ASIC1: variants seen among roughly 807,000 people sequenced by gnomAD.
ASIC1 encodes the protein acid-sensing ion channel 1.
Under a neutral mutation model 63.4 loss-of-function variants are expected in ASIC1, and 21 were observed. The observed-to-expected ratio is 0.33, with a 90% CI of 0.23 to 0.48. The LOEUF is 0.48. Among genes scored for constraint, ASIC1 ranks in the 20% least tolerant of loss-of-function variants. ASIC1 has a pLI of 0.99. For synonymous variants in ASIC1, 258 were observed against 278.2 expected (o/e 0.93, Z 0.72); for missense variants, 478 against 695.5 (o/e 0.69, Z 3.52).
In ASIC1 at chr12:50,081,187, C is replaced by CG. The variant is rs758741970; in HGVS notation, c.1377+11dup. ...TCTTTGACTACGCCTACGAGGTAAG[C>CG]GGGGGCGAGGCCCGGCACGGGGCCA... On this transcript the variant is annotated splice_region_variant and intron_variant, in intron 10 of 11. Transcript: ENST00000447966. 3.1e-6 allele frequency: 5 copies of CG among 1,610,198 alleles called. No individual in the cohort carries two copies. In the Admixed American group the frequency reaches 6.7e-5, roughly 22 times the overall value.
At chr12:50,067,715 G>C (rs836189) in intron 3 of ASIC1, among the ~76,000 whole-genome samples, 50,461 of 151,988 alleles carry the variant, frequency 0.33, 9,797 homozygotes, top group Middle Eastern at 0.46. Context: ...CACTGCGCCC[G>C]GACCCCACCA....
At chr12:50,066,411 G>A (rs891727047) in intron 3 of ASIC1, among the ~76,000 whole-genome samples, 6 of 152,078 alleles carry the variant, frequency 3.9e-5, no homozygotes, top group African/African-American at 1.4e-4. Context: ...AGTGTGGAGA[G>A]GCAGGAAGGG....
chr12:50,073,119 G>A (rs1032102830), intron 3 of ASIC1, among the ~76,000 whole-genome samples: 15 of 152,112 alleles, frequency 9.9e-5, no homozygotes, highest in African/African-American at 3.4e-4. Context: ...TGTGTCCTGG[G>A]GGGGTAGGGA....
chr12:50,080,998 A>T, intron 9 of ASIC1, 104 bp from the exon 10 acceptor site: 1 of 1,081,408 alleles, frequency 9.2e-7, no homozygotes, highest in Non-Finnish European at 1.3e-6. Context: ...TGCGAAGGCT[A>T]CCAATCCCTT....
In ASIC1 at chr12:50,078,638, G is replaced by A; in HGVS notation, c.994+61G>A. ...CCTGGGCCTTTGCTGCCCTTCACTAGCTCCCCATCCATATCAATCTCCCAA... is the reference window on the plus strand; with the variant it reads ...CCTGGGCCTTTGCTGCCCTTCACTAACTCCCCATCCATATCAATCTCCCAA... On this transcript the variant is annotated intron_variant, in intron 6 of 11. Coordinates refer to ENST00000447966, the MANE Select transcript of ASIC1 (RefSeq NM_001095.4). This position sits in a 1 kb window ranked among gnomAD's most constrained non-coding sequence, Gnocchi z 6.0. 1.2e-6 allele frequency: 2 copies of A among 1,600,510 alleles called. No individual in the cohort carries two copies. Among genetic ancestry groups the A allele is most frequent in the Non-Finnish European group, 1.7e-6 (2 of 1,172,148 alleles).
chr12:50,067,160 T>A (rs928126339), intron 3 of ASIC1, among the ~76,000 whole-genome samples: 4 of 152,172 alleles, frequency 2.6e-5, no homozygotes, highest in African/African-American at 9.7e-5. Flanking sequence ...TCCTATAGTA[T>A]CTCTCTGCTT....
rs746600209 is a variant in ASIC1, at chr12:50,077,990, A to G, written c.710-10A>G. ...AGCCCTCCCAACCCACACACTCCTC[A>G]TTCCCCTAGACGAGACGTCCTTCGA... is the stretch of plus-strand genomic sequence containing the variant. On this transcript the variant is annotated splice_polypyrimidine_tract_variant and intron_variant, in intron 4 of 11. Coordinates refer to ENST00000447966, the MANE Select transcript of ASIC1 (RefSeq NM_001095.4). 1.2e-6 allele frequency: 2 copies of G among 1,605,684 alleles called. No homozygotes were observed. The highest frequency in any genetic ancestry group is 1.7e-5 in the Admixed American group (1 of 59,286).
At chr12:50,073,985 C>T (rs1469699355) in intron 3 of ASIC1, 5 of 1,535,814 alleles carry the variant, frequency 3.3e-6, no homozygotes, top group East Asian at 4.9e-5. Context: ...CTGGCCTTCC[C>T]GGCAGTCACC....
intron 3 of ASIC1, chr12:50,073,884 G>C (rs1950625537): frequency 6.5e-7 from 1 of 1,533,794 alleles, no homozygotes; most frequent in Non-Finnish European, 8.7e-7. Flanking sequence ...TCCTGGCACT[G>C]GGTGCCTTCC....
intron 3 of ASIC1, among the ~76,000 whole-genome samples, chr12:50,075,361 C>A (rs1037042446): frequency 2.6e-5 from 4 of 152,208 alleles, no homozygotes; most frequent in African/African-American, 9.6e-5. Context: ...CACCAGGTGG[C>A]AGCAGCAATC....
Position 50,081,550 on chromosome 12 carries a change from G to C in ASIC1, c.1488G>C (p.Pro496=), listed in dbSNP as rs371395355. 20 of 1,610,224 alleles carry C rather than the reference G, an allele frequency of 1.2e-5. No individual in the cohort carries two copies. Among genetic ancestry groups the C allele is most frequent in the Non-Finnish European group, 1.6e-5 (19 of 1,178,314 alleles). Residue 496 remains proline (P), a synonymous_variant, in exon 12 of 12, where the codon CCG becomes CCC. Transcript: ENST00000447966. ...LSLDDVKRHN[P]CESLRGHPAG... ...GTCCTGTCCCCTTCCCCCAGAACCCGTGCGAGAGCCTTCGGGGCCACCCTG... is the reference window on the plus strand; with the variant it reads ...GTCCTGTCCCCTTCCCCCAGAACCCCTGCGAGAGCCTTCGGGGCCACCCTG...
At chr12:50,058,442 C>T (rs1332184509) in intron 1 of ASIC1, among the ~76,000 whole-genome samples, 3 of 152,316 alleles carry the variant, frequency 2.0e-5, no homozygotes, top group Middle Eastern at 3.4e-3. Flanking sequence ...GGAACTCCTG[C>T]GCCTGCCTAT....
Position 50,078,554 on chromosome 12 carries a change from A to G in ASIC1, c.971A>G (p.Asn324Ser), listed in dbSNP as rs542767563. The change falls in exon 6 of 12, where the codon AAC becomes AGC. Residue 324 changes from asparagine (N) to serine (S), a missense_variant. Transcript: ENST00000447966. The surrounding 1 kb of genome is among the most constrained non-coding windows in gnomAD (Gnocchi z 6.0). ...ACGCGCTACCTGGTGGAGAACTGCAACTGCCGCATGGTGCACATGCCAGGT... is the reference window on the plus strand; with the variant it reads ...ACGCGCTACCTGGTGGAGAACTGCAGCTGCCGCATGGTGCACATGCCAGGT... Reference protein sequence around the residue: ...CETRYLVENCNCRMVHMPGDA... With the variant: ...CETRYLVENCSCRMVHMPGDA... 2 of 1,614,086 alleles carry G rather than the reference A, an allele frequency of 1.2e-6. No individual in the cohort carries two copies. The highest frequency in any genetic ancestry group is 2.2e-5 in the East Asian group (1 of 44,884).
At chr12:50,075,939 C>T (rs1002616154) in intron 3 of ASIC1, among the ~76,000 whole-genome samples, 15 of 152,182 alleles carry the variant, frequency 9.9e-5, no homozygotes, top group Non-Finnish European at 7.4e-5. Context: ...GGGGAGAAGA[C>T]TGGGGAGACA....
At chr12:50,069,255 AT>A (rs748015992) in intron 3 of ASIC1, among the ~76,000 whole-genome samples, 6 of 107,360 alleles carry the variant, frequency 5.6e-5, no homozygotes, top group African/African-American at 2.2e-4. Context: ...TTTATTTTTT[AT>A]TTTATTTATT....
At position 50,077,200 on chromosome 12, in the gene ASIC1, C is replaced by A; in HGVS notation, c.559-13C>A. 1.9e-6 allele frequency: 3 copies of A among 1,604,110 alleles called. No homozygotes were observed. Among genetic ancestry groups the A allele is most frequent in the African/African-American group, 2.7e-5 (2 of 74,946 alleles). On this transcript the variant is annotated splice_polypyrimidine_tract_variant and intron_variant, in intron 3 of 11. Coordinates refer to ENST00000447966, the MANE Select transcript of ASIC1 (RefSeq NM_001095.4). ...TGGCAGGACTCTTAGGCTCTCCACT[C>A]TGCCCTCGCCAGGTCTTCACACGCT... is the stretch of plus-strand genomic sequence containing the variant.
intron 3 of ASIC1, chr12:50,076,930 G>A (rs1220092708): frequency 6.9e-6 from 4 of 577,322 alleles, no homozygotes; most frequent in African/African-American, 3.7e-5. Context: ...TGCCTTCTGA[G>A]CCATTACCAA....
rs913618145 is a variant in ASIC1, at chr12:50,081,097, C to G, written c.1298-5C>G. The G allele has an allele frequency of 2.5e-6, 4 of 1,594,626 alleles. 1 individual carries two copies. Among genetic ancestry groups the G allele is most frequent in the African/African-American group, 1.3e-5 (1 of 74,718 alleles). ...CACTGACCCCCCTGGCGCCTGCCCC[C>G]GCAGGTGACATCGGGGGCCAGATGG... On this transcript the variant is annotated splice_polypyrimidine_tract_variant and splice_region_variant and intron_variant, in intron 9 of 11. Coordinates refer to ENST00000447966, the MANE Select transcript of ASIC1 (RefSeq NM_001095.4).
intron 3 of ASIC1, among the ~76,000 whole-genome samples, chr12:50,073,059 A>G (rs1950615282): frequency 6.6e-6 from 1 of 152,122 alleles, no homozygotes; most frequent in Non-Finnish European, 1.5e-5. Context: ...ACTGAGGGAT[A>G]TGCTGAGGAA....
Sources: allele counts gnomAD v4.1 joint callset (sites outside exome capture counted in the v4.1 genomes callset), GRCh38; gene constraint gnomAD v4.1.1; non-coding constraint Gnocchi (gnomAD v3.1); transcripts MANE v1.5; gene names NCBI Gene and HGNC (gene_info 2026-07-23, HGNC 2026-07-21).